RNF214: variants seen among roughly 807,000 people sequenced by gnomAD.
The protein encoded by RNF214 is ring finger protein 214.
A neutral mutation model predicts 75.9 loss-of-function variants in RNF214; 25 were observed. That is an observed-to-expected ratio of 0.33 (90% CI 0.24 to 0.46). RNF214 has a LOEUF of 0.46. RNF214 is among the 20% of genes least tolerant of loss of function. The probability of loss-of-function intolerance (pLI) is 1.00; values close to 1 mark genes in which losing one functional copy is unlikely to be tolerated. For synonymous variants in RNF214, 314 were observed against 308.8 expected, an observed-to-expected ratio of 1.02 and a Z score of -0.18; for missense variants, 725 against 857.5, an observed-to-expected ratio of 0.85 and a Z score of 1.93.
In RNF214 at chr11:117,286,427, C is replaced by CT. The variant is rs1424934273; in HGVS notation, c.*1280dup. On this transcript the variant is annotated 3_prime_UTR_variant, in exon 15 of 15. Transcript: ENST00000300650. ...CAGGGAATGGCCTCAGCTCCCTTCT[C>CT]TTTTAGAATTAAACAAGTAAAAACT... 1.3e-5 allele frequency: 2 copies of CT among 152,154 alleles called. No individual in the cohort carries two copies. Among genetic ancestry groups the CT allele is most frequent in the African/African-American group, 4.8e-5 (2 of 41,424 alleles). 9.4% of individuals were successfully genotyped at this position (152,154 alleles called of 1,614,324 possible).
chr11:117,248,306 G>C (rs2033283591), intron 6 of RNF214, among the ~76,000 whole-genome samples: 1 of 152,142 alleles, frequency 6.6e-6, no homozygotes, highest in African/African-American at 2.4e-5. Context: ...TCGATCTCCT[G>C]ACCTCATGAT....
chr11:117,281,715 G>C lies in RNF214; in HGVS notation c.1335+17G>C. ...CCATCAGAGGTAAGAGAGTGGCTTTGGGGGGAAGTTCACCTTTCTGTGTTG... is the reference window on the plus strand; with the variant it reads ...CCATCAGAGGTAAGAGAGTGGCTTTCGGGGGAAGTTCACCTTTCTGTGTTG... On this transcript the variant is annotated intron_variant, in intron 10 of 14. Transcript: ENST00000300650. 1 of 1,591,632 alleles carries C rather than the reference G, an allele frequency of 6.3e-7. No homozygotes were observed. The highest frequency in any genetic ancestry group is 1.7e-5 in the Admixed American group (1 of 59,814).
intron 6 of RNF214, among the ~76,000 whole-genome samples, chr11:117,260,398 A>C (rs895783361): frequency 6.6e-6 from 1 of 152,232 alleles, no homozygotes; most frequent in Admixed American, 6.5e-5. Context: ...TCCTTTCCCT[A>C]TTTGATTGCT....
chr11:117,261,305 C>T (rs979339302), intron 6 of RNF214, among the ~76,000 whole-genome samples: 1 of 152,088 alleles, frequency 6.6e-6, no homozygotes, highest in African/African-American at 2.4e-5. Flanking sequence ...ATTGGCTGGG[C>T]TCAGTGGCTC....
At chr11:117,249,374 G>A (rs1351771104) in intron 6 of RNF214, among the ~76,000 whole-genome samples, 3 of 152,074 alleles carry the variant, frequency 2.0e-5, no homozygotes, top group African/African-American at 7.2e-5. Context: ...TTGTGTTCTT[G>A]AAGATCCATT....
At chr11:117,240,580 C>A (rs1468102397) in intron 4 of RNF214, among the ~76,000 whole-genome samples, 1 of 150,500 alleles carries the variant, frequency 6.6e-6, no homozygotes, top group Non-Finnish European at 1.5e-5. Flanking sequence ...CCCAGCTACT[C>A]GGGAGGCTGA....
At chr11:117,234,099 T>C (rs567386343) in intron 1 of RNF214, among the ~76,000 whole-genome samples, 168 bp from the exon 2 acceptor site, 1 of 152,336 alleles carries the variant, frequency 6.6e-6, no homozygotes, top group South Asian at 2.1e-4. Context: ...CACTAGGACT[T>C]TGCATACAAT....
At chr11:117,282,584 G>A in intron 12 of RNF214, 48 bp downstream of exon 12, 1 of 1,601,388 alleles carries the variant, frequency 6.2e-7, no homozygotes, top group Non-Finnish European at 8.5e-7. Context: ...GAGGGCTGGG[G>A]AAGAGGTAGA....
intron 6 of RNF214, among the ~76,000 whole-genome samples, chr11:117,252,159 C>G (rs1192820196): frequency 6.6e-6 from 1 of 152,044 alleles, no homozygotes; most frequent in African/African-American, 2.4e-5. Flanking sequence ...GTGAGCCATC[C>G]TGCCTGGCCT....
chr11:117,280,341 G>GACTAGCTGGC, intron 8 of RNF214, 82 bp downstream of exon 8: 1 of 908,688 alleles, frequency 1.1e-6, no homozygotes, highest in Non-Finnish European at 1.8e-6. Context: ...TCCTAGGCCA[G>GACTAGCTGGC]CTAGTCTGGC....
At position 117,281,871 on chromosome 11, in the gene RNF214, C is replaced by T. The variant is rs563507372; in HGVS notation, c.1336-23C>T. The T allele has an allele frequency of 5.6e-6, 9 of 1,607,576 alleles. No homozygotes were observed. In the African/African-American group the frequency reaches 1.2e-4, roughly 22 times the overall value. ...TTCTTTTTCTTCCTTTCTCTCTCGT[C>T]CTCTACCTCTTCTCCTCTGCAGACA... On this transcript the variant is annotated intron_variant, in intron 10 of 14. Coordinates refer to ENST00000300650, the MANE Select transcript of RNF214 (RefSeq NM_207343.4).
chr11:117,284,973 C>T (rs1565350785), intron 14 of RNF214, 113 bp from the exon 15 acceptor site: 1 of 727,500 alleles, frequency 1.4e-6, no homozygotes, highest in South Asian at 1.6e-5. Context: ...CCCTCTTGTA[C>T]CTCAGTGTAA....
intron 4 of RNF214, among the ~76,000 whole-genome samples, chr11:117,241,272 C>G (rs938235264): frequency 6.6e-6 from 1 of 151,442 alleles, no homozygotes; most frequent in African/African-American, 2.4e-5. Context: ...ACCCAGGAGG[C>G]TGAGGTGGCA....
At chr11:117,281,274 C>T in intron 8 of RNF214, 40 bp from the exon 9 acceptor site, 2 of 1,438,318 alleles carry the variant, frequency 1.4e-6, no homozygotes, top group East Asian at 2.3e-5. Context: ...CCTAGCAGGG[C>T]TTTCTTTAAA....
intron 6 of RNF214, among the ~76,000 whole-genome samples, chr11:117,251,203 G>A (rs1398546455): frequency 1.5e-5 from 2 of 134,378 alleles, no homozygotes; most frequent in Non-Finnish European, 3.1e-5. Context: ...GGGCAGAGGC[G>A]CCCCGCACCT....
At chr11:117,252,102 C>T (rs189621047) in intron 6 of RNF214, among the ~76,000 whole-genome samples, 1 of 152,196 alleles carries the variant, frequency 6.6e-6, no homozygotes, top group Admixed American at 6.6e-5. Flanking sequence ...CACCTGACCT[C>T]AAGTGATGTG....
chr11:117,260,811 C>T (rs12792510), intron 6 of RNF214, among the ~76,000 whole-genome samples: 5 of 148,724 alleles, frequency 3.4e-5, no homozygotes, highest in African/African-American at 1.2e-4. Context: ...TGCGCCACCA[C>T]GCTCGGCTAA....
intron 6 of RNF214, among the ~76,000 whole-genome samples, chr11:117,252,966 G>A (rs774922039): frequency 6.6e-6 from 1 of 152,128 alleles, no homozygotes; most frequent in Non-Finnish European, 1.5e-5. Flanking sequence ...AATCTGCTAA[G>A]TGCTTTGTAC....
intron 6 of RNF214, among the ~76,000 whole-genome samples, chr11:117,247,268 T>C (rs1353189842): frequency 6.6e-6 from 1 of 152,096 alleles, no homozygotes; most frequent in Non-Finnish European, 1.5e-5. Context: ...GGTGGGAAGA[T>C]TGCTTGAGGC....
Sources: gnomAD v4.1 joint callset for allele counts (sites outside exome capture counted in the v4.1 genomes callset) on GRCh38, gnomAD v4.1.1 for gene constraint, MANE v1.5 for transcripts, NCBI Gene and HGNC (gene_info 2026-07-23, HGNC 2026-07-21) for gene names.